Variants in TAOK2 observed in about 807,000 individuals in gnomAD.
TAOK2 encodes the protein TAO kinase 2, also known as serine/threonine-protein kinase TAO2.
Under a neutral mutation model 122.5 loss-of-function variants are expected in TAOK2, and 42 were observed. That is an observed-to-expected ratio of 0.34 (90% CI 0.27 to 0.44). The LOEUF is 0.44. TAOK2 is among the 20% of genes least tolerant of loss of function. The pLI is 1.00. For missense variants in TAOK2, 1,264 were observed against 1,644.9 expected (o/e 0.77, Z 4.01); for synonymous variants, 704 against 677.6 (o/e 1.04, Z -0.61).
downstream of TAOK2, chr16:29,989,965 A>G (rs1047424952): frequency 4.3e-5 from 29 of 671,538 alleles, no homozygotes; most frequent in Non-Finnish European, 5.9e-5. Context: ...GATTTATTTC[A>G]TATTCTCCTC....
chr16:29,988,098 C>T lies in TAOK2; in HGVS notation c.*118C>T. On this transcript the variant is annotated 3_prime_UTR_variant, in exon 16 of 16. Coordinates refer to ENST00000308893, the MANE Select transcript of TAOK2 (RefSeq NM_016151.4). ...TCACCCACCTTCCTCAGTTTGCTCA[C>T]TTACCCCAGGCCCAGCCCTTCGGAC... The T allele has an allele frequency of 7.0e-7, 1 of 1,436,026 alleles. No individual in the cohort carries two copies. The allele number at this position is 1,436,026 out of a possible 1,614,324, so 89.0% of individuals were successfully genotyped here. A position where few individuals can be genotyped will look rare whatever the true frequency, so the allele number is the denominator to read the frequency against.
chr16:29,988,895 G>T, downstream of TAOK2: 1 of 985,386 alleles, frequency 1.0e-6, no homozygotes. Context: ...GAGGGGCCGG[G>T]CTGGAATGCG....
Position 29,985,007 on chromosome 16 carries a change from C to G in TAOK2, c.1423-206C>G. On this transcript the variant is annotated intron_variant, in intron 13 of 15. Coordinates refer to ENST00000308893, the MANE Select transcript of TAOK2 (RefSeq NM_016151.4). The surrounding 1 kb of genome is among the most constrained non-coding windows in gnomAD (Gnocchi z 6.9). ...AGGCCCTGTGCTCGCCACCTTTTAT[C>G]ATTCGGCCACACCAACTTGTGATGT... is the stretch of plus-strand genomic sequence containing the variant. The G allele has an allele frequency of 1.8e-6, 1 of 555,498 alleles. No individual in the cohort carries two copies. Among genetic ancestry groups the G allele is most frequent in the East Asian group, 3.4e-5 (1 of 29,230 alleles). 34.4% of individuals were successfully genotyped at this position (555,498 alleles called of 1,614,324 possible). A position where few individuals can be genotyped will look rare whatever the true frequency, so the allele number is the denominator to read the frequency against.
intron 10 of TAOK2, 123 bp from the exon 11 acceptor site, chr16:29,982,611 C>T: frequency 1.5e-6 from 2 of 1,321,058 alleles, no homozygotes; most frequent in Non-Finnish European, 2.1e-6. Flanking sequence ...GGGATAAGGC[C>T]AGCATCAACC....
Position 29,983,525 on chromosome 16 carries a change from A to G in TAOK2, c.1283A>G (p.Asp428Gly). Reference sequence around the variant, plus strand: ...TAGGGCTCTGACAACCTATATGATGACCCCTACCAGCCAGAGATAACCCCC... The same window carrying G: ...TAGGGCTCTGACAACCTATATGATGGCCCCTACCAGCCAGAGATAACCCCC... ...RLPGSDNLYD[D>G]PYQPEITPSP... is the part of the protein sequence containing the mutation. Residue 428 changes from aspartate (D) to glycine (G), a missense_variant, in exon 13 of 16, where the codon GAC (aspartate) becomes GGC (glycine). Asp to Gly is a moderately conservative substitution (Grantham distance 94, BLOSUM62 -1). Coordinates refer to ENST00000308893, the MANE Select transcript of TAOK2 (RefSeq NM_016151.4). The G allele has an allele frequency of 6.2e-7, 1 of 1,611,020 alleles. No individual in the cohort carries two copies. The highest frequency in any genetic ancestry group is 8.5e-7 in the Non-Finnish European group (1 of 1,178,588).
chr16:29,976,887 T>C (rs775361510), intron 1 of TAOK2, among the ~76,000 whole-genome samples: 13 of 152,224 alleles, frequency 8.5e-5, no homozygotes, highest in African/African-American at 1.2e-4. Context: ...TCTGAAATCA[T>C]AGTGATGGAG....
At position 29,986,450 on chromosome 16, in the gene TAOK2, A is replaced by G; in HGVS notation, c.2178A>G (p.Gln726=). Reference sequence around the variant, plus strand: ...TGGAGTACAACAAGCGGCGTGAGCAAGAGTTGCGGCAGAAGCATGCGGCCC... The same window carrying G: ...TGGAGTACAACAAGCGGCGTGAGCAGGAGTTGCGGCAGAAGCATGCGGCCC... ...NQLEYNKRRE[Q]ELRQKHAAQV... Residue 726 remains glutamine (Q), a synonymous_variant, in exon 16 of 16, where the codon CAA becomes CAG. Coordinates refer to ENST00000308893, the MANE Select transcript of TAOK2 (RefSeq NM_016151.4). The surrounding 1 kb of genome is among the most constrained non-coding windows in gnomAD (Gnocchi z 4.2). The G allele has an allele frequency of 6.2e-7, 1 of 1,607,366 alleles. No homozygotes were observed.
Position 29,987,008 on chromosome 16 carries a change from GA to G in TAOK2, c.2737del (p.Thr913ProfsTer23). 1 of 1,612,834 alleles carries G rather than the reference GA, an allele frequency of 6.2e-7. No homozygotes were observed. Among genetic ancestry groups the G allele is most frequent in the Non-Finnish European group, 8.5e-7 (1 of 1,179,242 alleles). ...EEEEEGAPIG[T>X]PRDPGDGCPS... ...AAGAGGAAGAGGGGGCTCCGATTGG[GA>G]CCCCTAGGGATCCTGGAGATGGTTG... On this transcript the variant is annotated frameshift_variant, in exon 16 of 16. Transcript: ENST00000308893. LOFTEE classifies it high-confidence loss of function.
intron 1 of TAOK2, among the ~76,000 whole-genome samples, chr16:29,975,255 G>C (rs1245848817): frequency 6.6e-6 from 1 of 152,162 alleles, no homozygotes; most frequent in Non-Finnish European, 1.5e-5. Flanking sequence ...AAAGTGCTTT[G>C]ACAGCCATTC....
Position 29,987,971 on chromosome 16 carries a change from C to G in TAOK2, c.3699C>G (p.Pro1233=), listed in dbSNP as rs926506836. ...CCCGCCAGTCCCGGGCCCTGCCCCC[C>G]TGGAGGTAGCTGACTCCAGCCCTTC... is the stretch of plus-strand genomic sequence containing the variant. ...SRTRQSRALP[P]WR The change falls in exon 16 of 16, where the codon CCC becomes CCG. Residue 1233 remains proline (P), a synonymous_variant. Coordinates refer to ENST00000308893, the MANE Select transcript of TAOK2 (RefSeq NM_016151.4). 3 of 1,527,994 alleles carry G rather than the reference C, an allele frequency of 2.0e-6. No individual in the cohort carries two copies. Among genetic ancestry groups the G allele is most frequent in the African/African-American group, 2.7e-5 (2 of 73,034 alleles). 94.7% of individuals were successfully genotyped at this position (1,527,994 alleles called of 1,614,324 possible).
chr16:29,988,868 G>A, downstream of TAOK2: 1 of 985,428 alleles, frequency 1.0e-6, no homozygotes, highest in Non-Finnish European at 1.2e-6. Context: ...TGGGCCTGGA[G>A]TGGGAGCTGA....
At chr16:29,989,040 C>G, downstream of TAOK2, 1 of 985,400 alleles carries the variant, frequency 1.0e-6, no homozygotes, top group Non-Finnish European at 1.2e-6. Flanking sequence ...GGTGCTTCTC[C>G]TCCTTCCCTG....
chr16:29,985,744 G>A lies in TAOK2; in HGVS notation c.1875G>A (p.Ala625=), dbSNP rs750334817. Residue 625 remains alanine (A), a synonymous_variant, in exon 15 of 16, where the codon GCG becomes GCA. Transcript: ENST00000308893. The surrounding 1 kb of genome is among the most constrained non-coding windows in gnomAD (Gnocchi z 6.9). ...AGGAGCAGCTCCAGCAGTGCCAGGC[G>A]GAGGAGGAAGCAGGGCTGCTGCGGC... is the stretch of plus-strand genomic sequence containing the variant. ...RQKEQLQQCQ[A]EEEAGLLRRQ... The A allele has an allele frequency of 2.4e-5, 38 of 1,610,752 alleles. No individual in the cohort carries two copies. In the South Asian group the frequency reaches 2.9e-4, roughly 12 times the overall value.
intron 1 of TAOK2, among the ~76,000 whole-genome samples, chr16:29,976,461 G>A (rs747132587): frequency 6.6e-6 from 1 of 152,232 alleles, no homozygotes; most frequent in Non-Finnish European, 1.5e-5. Flanking sequence ...ATGCATGACA[G>A]AATAAATTAC....
downstream of TAOK2, chr16:29,989,986 TTCTTTC>T: frequency 1.6e-6 from 1 of 628,686 alleles, no homozygotes; most frequent in Non-Finnish European, 2.7e-6. Flanking sequence ...AGTGGTTTTA[TTCTTTC>T]TCTTAGTATT....
Position 29,985,848 on chromosome 16 carries a change from A to G in TAOK2, c.1979A>G (p.Asp660Gly). 1 of 1,611,432 alleles carries G rather than the reference A, an allele frequency of 6.2e-7. No individual in the cohort carries two copies. Among genetic ancestry groups the G allele is most frequent in the African/African-American group, 1.3e-5 (1 of 74,924 alleles). Residue 660 changes from aspartate (D) to glycine (G), a missense_variant, in exon 15 of 16, where the codon GAC (aspartate) becomes GGC (glycine). Around this residue, in one of 4 missense-constraint regions of TAOK2, gnomAD observed 824 missense variants for 908.7 expected, o/e 0.91. Coordinates refer to ENST00000308893, the MANE Select transcript of TAOK2 (RefSeq NM_016151.4). The surrounding 1 kb of genome is among the most constrained non-coding windows in gnomAD (Gnocchi z 6.9). ...CTGGCTCGGCACAGCCTGGACCAGGACCTGCTGCGGGAGGTAGGCATCCCA... is the reference window on the plus strand; with the variant it reads ...CTGGCTCGGCACAGCCTGGACCAGGGCCTGCTGCGGGAGGTAGGCATCCCA... The part of the protein sequence containing the change: ...MLLARHSLDQ[D>G]LLREDLNKKQ...
chr16:29,983,510 A>C lies in TAOK2; in HGVS notation c.1268A>C (p.Asp423Ala). The change falls in exon 13 of 16, where the codon GAC becomes GCC. Residue 423 changes from aspartate to alanine, a missense_variant. Physicochemically the swap from Asp to Ala is moderately radical, Grantham distance 126. Transcript: ENST00000308893. ...CCTTCTATCTCCCTCTAGGGCTCTG[A>C]CAACCTATATGATGACCCCTACCAG... is the stretch of plus-strand genomic sequence containing the variant. ...SSIIHRLPGS[D>A]NLYDDPYQPE... is the part of the protein sequence containing the mutation. 6.2e-7 allele frequency: 1 copy of C among 1,608,180 alleles called. No homozygotes were observed. Among genetic ancestry groups the C allele is most frequent in the Non-Finnish European group, 8.5e-7 (1 of 1,175,722 alleles).
chr16:29,979,412 C>A lies in TAOK2; in HGVS notation c.564-5C>A. 1 of 1,593,716 alleles carries A rather than the reference C, an allele frequency of 6.3e-7. No individual in the cohort carries two copies. The highest frequency in any genetic ancestry group is 8.6e-7 in the Non-Finnish European group (1 of 1,167,844). On this transcript the variant is annotated splice_region_variant and splice_polypyrimidine_tract_variant and intron_variant, in intron 7 of 15. Coordinates refer to ENST00000308893, the MANE Select transcript of TAOK2 (RefSeq NM_016151.4). The surrounding 1 kb of genome is among the most constrained non-coding windows in gnomAD (Gnocchi z 4.1). ...TTTGCCTCTCTCTCCTGACCATTCT[C>A]CTAGGATGGCACCCGAGGTGATCCT...
At chr16:29,991,349 C>T (rs754318944), downstream of TAOK2, 24 of 1,595,318 alleles carry the variant, frequency 1.5e-5, no homozygotes, top group South Asian at 1.1e-4. The surrounding 1 kb of genome is among the most constrained non-coding windows in gnomAD (Gnocchi z 5.6). Flanking sequence ...CTCCCCCAGG[C>T]CCCCCAAACT....
Sources: allele counts gnomAD v4.1 joint callset (sites outside exome capture counted in the v4.1 genomes callset), GRCh38; gene constraint gnomAD v4.1.1; regional missense constraint gnomAD v4.1.1; non-coding constraint Gnocchi (gnomAD v3.1); transcripts MANE v1.5; gene names NCBI Gene and HGNC (gene_info 2026-07-23, HGNC 2026-07-21).